The following KCNAB2 variants were observed in gnomAD, a reference collection of about 807,000 sequenced individuals.
The protein encoded by KCNAB2 is voltage-gated potassium channel subunit beta-2.
Under a neutral mutation model 63.6 loss-of-function variants are expected in KCNAB2, and 29 were observed. The ratio of observed to expected loss-of-function variants is 0.46; its 90% CI spans 0.34 to 0.62. The LOEUF is 0.62. Ranked by LOEUF, KCNAB2 falls within the 20% of genes least tolerant of loss-of-function variation. KCNAB2 has a pLI of 0.01. For missense variants in KCNAB2, 359 were observed against 563.9 expected, an observed-to-expected ratio of 0.64 and a Z score of 3.68; for synonymous variants, 222 against 224.2, an observed-to-expected ratio of 0.99 and a Z score of 0.09.
At position 6,096,924 on chromosome 1, in the gene KCNAB2, A is replaced by G. The variant is rs1213859563; in HGVS notation, c.1069+168A>G. 6.6e-6 allele frequency among the ~76,000 whole-genome samples: 1 copy of G among 152,114 alleles called. No individual in the cohort carries two copies. The highest frequency in any genetic ancestry group is 1.5e-5 in the Non-Finnish European group (1 of 67,992). ...CTCGGGTAATCGGGCTCTAAGGGGC[A>G]TGGTTGGGACCCCATGCCTCTAGGG... On this transcript the variant is annotated intron_variant, in intron 14 of 15. Coordinates refer to ENST00000378083, the MANE Select transcript of KCNAB2 (RefSeq NM_001199862.2). This position sits in a 1 kb window ranked among gnomAD's most constrained non-coding sequence, Gnocchi z 5.9.
intron 2 of KCNAB2, among the ~76,000 whole-genome samples, chr1:6,065,540 C>T (rs1380832826): frequency 6.6e-6 from 1 of 152,168 alleles, no homozygotes. Flanking sequence ...CCCAGAAGAG[C>T]AGTCACAGCG....
chr1:6,042,794 T>C (rs143221364), upstream of KCNAB2, among the ~76,000 whole-genome samples: 1,338 of 147,126 alleles, frequency 9.1e-3, 5 homozygotes, highest in Middle Eastern at 0.024. Flanking sequence ...GTCATGGAGG[T>C]GGCAATGTAT....
Position 6,087,520 on chromosome 1 carries a change from A to G in KCNAB2, c.470+9A>G. 1.9e-6 allele frequency: 3 copies of G among 1,614,008 alleles called. No individual in the cohort carries two copies. The highest frequency in any genetic ancestry group is 2.5e-6 in the Non-Finnish European group (3 of 1,179,952). Reference sequence around the variant, plus strand: ...ATCTTCTGGGGCGGAAAGTAGGTGCAACAGCTGGCGATGCTTCCAGCCCCG... The same window carrying G: ...ATCTTCTGGGGCGGAAAGTAGGTGCGACAGCTGGCGATGCTTCCAGCCCCG... On this transcript the variant is annotated intron_variant, in intron 7 of 15. Transcript: ENST00000378083. The surrounding 1 kb of genome is among the most constrained non-coding windows in gnomAD (Gnocchi z 6.4).
intron 2 of KCNAB2, among the ~76,000 whole-genome samples, chr1:6,066,137 GCGGCCA>G (rs1284788581): frequency 6.6e-6 from 1 of 152,206 alleles, no homozygotes. Flanking sequence ...GGGCCGACCG[GCGGCCA>G]GCAGTCCCAG....
intron 2 of KCNAB2, among the ~76,000 whole-genome samples, chr1:6,058,465 C>T (rs758325904): frequency 6.6e-6 from 1 of 152,168 alleles, no homozygotes; most frequent in African/African-American, 2.4e-5. Context: ...ATTTCCTTAC[C>T]CGGAAAGTGG....
chr1:6,019,690 G>A (rs572740212), intron 1 of KCNAB2, among the ~76,000 whole-genome samples: 47 of 152,358 alleles, frequency 3.1e-4, no homozygotes, highest in East Asian at 1.9e-3. Flanking sequence ...AAGGTTTGGC[G>A]AGGGTCCAGT....
In KCNAB2 at chr1:5,999,901, G is replaced by A. The variant is rs146270610; in HGVS notation, c.-53+7113G>A. The stretch of plus-strand genomic sequence containing the variant: ...GCCCTCTCCGCACCCTGTCTGTGTC[G>A]TCTGTGCCCTGTCTGTGCCCCGTCC... On this transcript the variant is annotated intron_variant, in intron 1 of 16. Transcript: ENST00000341524. 3.7e-3 allele frequency among the ~76,000 whole-genome samples: 559 copies of A among 150,264 alleles called. 1 individual carries two copies. Among genetic ancestry groups the A allele is most frequent in the African/African-American group, 0.013 (529 of 40,536 alleles).
At chr1:6,060,991 C>T (rs1034789425) in intron 2 of KCNAB2, among the ~76,000 whole-genome samples, 3 of 152,290 alleles carry the variant, frequency 2.0e-5, no homozygotes, top group Admixed American at 6.5e-5. Context: ...AGAGGGCATC[C>T]GCCCCCTTCC....
intron 2 of KCNAB2, among the ~76,000 whole-genome samples, chr1:6,055,160 C>A (rs1661705490): frequency 6.6e-6 from 1 of 152,126 alleles, no homozygotes; most frequent in Admixed American, 6.6e-5. Context: ...TGTTGTAAGT[C>A]CTCTAATTTG....
intron 4 of KCNAB2, among the ~76,000 whole-genome samples, chr1:6,077,308 C>T (rs1235131960): frequency 6.6e-6 from 1 of 152,274 alleles, no homozygotes; most frequent in East Asian, 1.9e-4. Context: ...AGGGAAAGGG[C>T]AGAAAAACCT....
chr1:6,070,814 G>T (rs1431384016), intron 2 of KCNAB2, among the ~76,000 whole-genome samples: 2 of 152,098 alleles, frequency 1.3e-5, no homozygotes, highest in Non-Finnish European at 2.9e-5. Flanking sequence ...AGCCAGGAAA[G>T]TTGTACCAGG....
rs888451074 is a variant in KCNAB2, at chr1:6,071,774, C to T, written c.219-981C>T. Among the ~76,000 whole-genome samples the T allele has an allele frequency of 1.3e-5, 2 of 151,308 alleles. No homozygotes were observed. The highest frequency in any genetic ancestry group is 2.4e-5 in the African/African-American group (1 of 41,138). On this transcript the variant is annotated intron_variant, in intron 2 of 15. Transcript: ENST00000378083. The surrounding 1 kb of genome is among the most constrained non-coding windows in gnomAD (Gnocchi z 8.5). ...CCTGCCGCGTGGGCTCCTCCTGCCG[C>T]GTGGGCTCCTCCTGCCACATAGGGC... is the stretch of plus-strand genomic sequence containing the variant.
rs1663540178 is a variant in KCNAB2 at position 6,074,947 on chromosome 1, C to CT, written c.300+1178dup. Among the ~76,000 whole-genome samples, 1 of 138,076 alleles carries CT rather than the reference C, an allele frequency of 7.2e-6. No homozygotes were observed. Among genetic ancestry groups the CT allele is most frequent in the Non-Finnish European group, 1.5e-5 (1 of 66,134 alleles). 90.6% of individuals were successfully genotyped at this position (138,076 alleles called of 152,430 possible). A position where few individuals can be genotyped will look rare whatever the true frequency, so the allele number is the denominator to read the frequency against. The stretch of plus-strand genomic sequence containing the variant: ...CCAGCCTAGGCCGTAGAGTAAGACT[C>CT]TGTCTCGAAAAAAAAAAAAAAAGAC... On this transcript the variant is annotated intron_variant, in intron 4 of 15. Coordinates refer to ENST00000378083, the MANE Select transcript of KCNAB2 (RefSeq NM_001199862.2). The surrounding 1 kb of genome is among the most constrained non-coding windows in gnomAD (Gnocchi z 4.9).
intron 1 of KCNAB2, among the ~76,000 whole-genome samples, chr1:6,022,635 G>A (rs898543525): frequency 2.0e-5 from 3 of 152,052 alleles, no homozygotes; most frequent in African/African-American, 7.3e-5. Flanking sequence ...CCATTAAACT[G>A]GAACTTCCCA....
At chr1:6,090,580 G>C in intron 9 of KCNAB2, 105 bp downstream of exon 9, 2 of 805,146 alleles carry the variant, frequency 2.5e-6, no homozygotes, top group Non-Finnish European at 2.0e-6. Context: ...GGGCACCCGG[G>C]TGAGCCGTGA....
upstream of KCNAB2, among the ~76,000 whole-genome samples, chr1:6,033,294 G>C (rs539165999): frequency 5.4e-5 from 7 of 130,834 alleles, no homozygotes; most frequent in Non-Finnish European, 1.2e-4. Flanking sequence ...TGGGCATGTG[G>C]GTGTGCATAT....
At position 6,075,944 on chromosome 1, in the gene KCNAB2, G is replaced by A. The variant is rs1325671754; in HGVS notation, c.300+2174G>A. Among the ~76,000 whole-genome samples, 6 of 152,176 alleles carry A rather than the reference G, an allele frequency of 3.9e-5. No homozygotes were observed. In the East Asian group the frequency reaches 1.2e-3, roughly 29 times the overall value. On this transcript the variant is annotated intron_variant, in intron 4 of 15. Coordinates refer to ENST00000378083, the MANE Select transcript of KCNAB2 (RefSeq NM_001199862.2). The stretch of plus-strand genomic sequence containing the variant: ...TCTCTATGAACTCTGCACACTGTTT[G>A]TATAAATAAAGTTTTATTAGGACAT...
At chr1:6,066,404 G>A (rs1355736094) in intron 2 of KCNAB2, among the ~76,000 whole-genome samples, 1 of 152,234 alleles carries the variant, frequency 6.6e-6, no homozygotes, top group Non-Finnish European at 1.5e-5. Context: ...AGTTTGTGCT[G>A]AGGGCCGGGA....
At chr1:5,999,057 C>T (rs1170602699) in intron 1 of KCNAB2, among the ~76,000 whole-genome samples, 2 of 152,258 alleles carry the variant, frequency 1.3e-5, no homozygotes, top group Non-Finnish European at 1.5e-5. Flanking sequence ...CACCCTCTTT[C>T]GTCCGCCCCT....
Sources: gnomAD v4.1 joint callset for allele counts (sites outside exome capture counted in the v4.1 genomes callset) on GRCh38, gnomAD v4.1.1 for gene constraint, Gnocchi (gnomAD v3.1) non-coding constraint, MANE v1.5 for transcripts, NCBI Gene and HGNC (gene_info 2026-07-23, HGNC 2026-07-21) for gene names.